The following FAM13A variants were observed in gnomAD, a reference collection of about 807,000 sequenced individuals.
FAM13A encodes the protein protein FAM13A.
A neutral mutation model predicts 129.6 loss-of-function variants in FAM13A; 76 were observed. The ratio of observed to expected loss-of-function variants is 0.59; its 90% CI spans 0.49 to 0.71. The LOEUF (loss-of-function observed/expected upper bound fraction) is 0.71, where lower values mean the gene tolerates loss of function less well. FAM13A is among the 30% of genes least tolerant of loss of function. The pLI is 0.00. For missense variants in FAM13A, 1,108 were observed against 1,249.3 expected (o/e 0.89, Z 1.70); for synonymous variants, 443 against 449.9 (o/e 0.98, Z 0.20).
At position 88,833,427 on chromosome 4, in the gene FAM13A, G is replaced by A. The variant is rs564722906; in HGVS notation, c.1007+17593C>T. Among the ~76,000 whole-genome samples, 39 of 152,078 alleles carry A rather than the reference G, an allele frequency of 2.6e-4. 2 individuals carry two copies. In the East Asian group the frequency reaches 7.3e-3, roughly 29 times the overall value. ...GAGTTAAAGCCTTCTGCCTTATTTT[G>A]TTCATTAAACATTTTCTTTTGAAAA... On this transcript the variant is annotated intron_variant, in intron 7 of 23. Transcript: ENST00000264344.
chr4:88,795,886 T>C (rs1726070987), intron 8 of FAM13A, among the ~76,000 whole-genome samples: 2 of 151,830 alleles, frequency 1.3e-5, no homozygotes, highest in Non-Finnish European at 3.0e-5. Context: ...AAAAAATTAT[T>C]ATAACCCTTA....
chr4:88,755,614 C>T (rs1322941899), intron 14 of FAM13A, among the ~76,000 whole-genome samples: 1 of 152,136 alleles, frequency 6.6e-6, no homozygotes, highest in Non-Finnish European at 1.5e-5. Context: ...AATGAGGAGA[C>T]TTTGTTACTT....
chr4:88,977,722 T>C (rs1281715254), intron 4 of FAM13A, among the ~76,000 whole-genome samples: 4 of 152,178 alleles, frequency 2.6e-5, no homozygotes, highest in Non-Finnish European at 4.4e-5. Flanking sequence ...GGTCAAAAAG[T>C]ATCCTTTCTA....
chr4:88,982,261 T>C (rs1419298115), intron 4 of FAM13A, among the ~76,000 whole-genome samples: 3 of 152,270 alleles, frequency 2.0e-5, no homozygotes, highest in African/African-American at 7.2e-5. Flanking sequence ...GTGAGAACTA[T>C]GACAACTGAG....
Position 88,778,075 on chromosome 4 carries a change from C to T in FAM13A, c.1458+3090G>A, listed in dbSNP as rs1448914883. Among the ~76,000 whole-genome samples, 5 of 152,290 alleles carry T rather than the reference C, an allele frequency of 3.3e-5. No homozygotes were observed. The East Asian group carries it at 9.6e-4, about 29-fold the overall frequency. On this transcript the variant is annotated intron_variant, in intron 11 of 23. Transcript: ENST00000264344. ...AAGGCCTTTTCTATCCATATTCACT[C>T]CCTTGGTTATCTCAGCCAGTGTATT...
At chr4:88,742,076 A>G (rs930508593) in intron 19 of FAM13A, among the ~76,000 whole-genome samples, 6 of 152,178 alleles carry the variant, frequency 3.9e-5, no homozygotes, top group African/African-American at 1.4e-4. Flanking sequence ...TAAACAATAG[A>G]CGGTTGAGTA....
intron 21 of FAM13A, among the ~76,000 whole-genome samples, chr4:88,735,666 A>G (rs1738835199): frequency 6.6e-6 from 1 of 152,204 alleles, no homozygotes; most frequent in African/African-American, 2.4e-5. Flanking sequence ...ACCTGCACAC[A>G]CACCAAATTC....
Position 88,920,265 on chromosome 4 carries a change from C to G in FAM13A, c.760-13803G>C, listed in dbSNP as rs967354347. ...TGCCTCCTCAAGTGGACCCCTGACC[C>G]CTGACCCCCGAGCAGCCTAACTGGG... On this transcript the variant is annotated intron_variant, in intron 5 of 23. Transcript: ENST00000264344. 3.3e-5 allele frequency among the ~76,000 whole-genome samples: 5 copies of G among 152,150 alleles called. No homozygotes were observed. The East Asian group carries it at 9.6e-4, about 29-fold the overall frequency.
rs540896576 is a variant in FAM13A, at chr4:88,923,613, A to T, written c.759+14475T>A. On this transcript the variant is annotated intron_variant, in intron 5 of 23. Coordinates refer to ENST00000264344, the MANE Select transcript of FAM13A (RefSeq NM_014883.4). ...CCAATATCATACTGAATGGGCAAAA[A>T]CTGGAAGCATTCCCTTTGAAAACTG... 2.2e-3 allele frequency among the ~76,000 whole-genome samples: 330 copies of T among 152,266 alleles called. 2 individuals are homozygous for T. Among genetic ancestry groups the T allele is most frequent in the African/African-American group, 7.4e-3 (306 of 41,548 alleles).
At chr4:88,845,877 T>A (rs1332747208) in intron 7 of FAM13A, among the ~76,000 whole-genome samples, 5 of 152,214 alleles carry the variant, frequency 3.3e-5, no homozygotes, top group Admixed American at 3.3e-4. Context: ...TGAAACACAC[T>A]GTCCCATGGT....
intron 6 of FAM13A, among the ~76,000 whole-genome samples, chr4:88,870,657 G>C (rs1008423761): frequency 6.6e-6 from 1 of 151,700 alleles, no homozygotes; most frequent in Non-Finnish European, 1.5e-5. Flanking sequence ...GGAGCCTACC[G>C]CAGCCTGCCT....
chr4:88,779,373 C>T (rs923591981), intron 11 of FAM13A, among the ~76,000 whole-genome samples: 3 of 152,146 alleles, frequency 2.0e-5, no homozygotes, highest in South Asian at 2.1e-4. Flanking sequence ...AGATACACAA[C>T]GTAACATTCA....
chr4:89,039,930 G>A (rs1315483466), intron 1 of FAM13A, among the ~76,000 whole-genome samples: 1 of 151,536 alleles, frequency 6.6e-6, no homozygotes, highest in Non-Finnish European at 1.5e-5. Flanking sequence ...TCCAGCTCGG[G>A]TGACAGAGCA....
At chr4:88,781,836 G>A (rs2149619839) in intron 10 of FAM13A, among the ~76,000 whole-genome samples, 1 of 149,962 alleles carries the variant, frequency 6.7e-6, no homozygotes, top group East Asian at 1.9e-4. Flanking sequence ...TCCGGAGACT[G>A]TTGTGGGGTG....
intron 1 of FAM13A, among the ~76,000 whole-genome samples, chr4:89,051,144 T>C (rs912006808): frequency 2.0e-5 from 3 of 152,172 alleles, no homozygotes; most frequent in African/African-American, 7.2e-5. Flanking sequence ...AAAAATACCA[T>C]AAACTGGATG....
At chr4:88,867,368 A>C (rs953234742) in intron 6 of FAM13A, among the ~76,000 whole-genome samples, 1 of 152,214 alleles carries the variant, frequency 6.6e-6, no homozygotes, top group Non-Finnish European at 1.5e-5. Context: ...CATTTTAAAG[A>C]GGGAAATTAT....
At chr4:88,972,809 C>T (rs1348029410) in intron 4 of FAM13A, among the ~76,000 whole-genome samples, 1 of 152,100 alleles carries the variant, frequency 6.6e-6, no homozygotes, top group Non-Finnish European at 1.5e-5. Context: ...GGTTTCACCA[C>T]ATCAGCCAGC....
chr4:88,795,296 T>G (rs1017205661), intron 8 of FAM13A, among the ~76,000 whole-genome samples: 1 of 151,840 alleles, frequency 6.6e-6, no homozygotes, highest in Non-Finnish European at 1.5e-5. Context: ...CCTATTCTTT[T>G]AAATAGCCTG....
At chr4:88,953,077 G>A (rs181829846) in intron 4 of FAM13A, among the ~76,000 whole-genome samples, 85 of 152,292 alleles carry the variant, frequency 5.6e-4, no homozygotes, top group Admixed American at 1.0e-3. Context: ...CATTTAGAGT[G>A]TACAATTCAA....
Sources: gnomAD v4.1 joint callset for allele counts (sites outside exome capture counted in the v4.1 genomes callset) on GRCh38, gnomAD v4.1.1 for gene constraint, MANE v1.5 for transcripts, NCBI Gene and HGNC (gene_info 2026-07-23, HGNC 2026-07-21) for gene names.